Variants in ZYG11B observed in about 807,000 individuals in gnomAD.
ZYG11B encodes protein zyg-11 homolog B.
In ZYG11B, 36 loss-of-function variants were observed where a neutral mutation model predicts 82.4. The ratio of observed to expected loss-of-function variants is 0.44; its 90% CI spans 0.33 to 0.58. ZYG11B has a LOEUF of 0.58. Among genes scored for constraint, ZYG11B ranks in the 20% least tolerant of loss-of-function variants. ZYG11B has a pLI of 0.02. For missense variants in ZYG11B, 552 were observed against 895.6 expected, an observed-to-expected ratio of 0.62 and a Z score of 4.90; for synonymous variants, 303 against 312.8, an observed-to-expected ratio of 0.97 and a Z score of 0.33.
chr1:52,796,479 C>T (rs56078509), intron 7 of ZYG11B, 88 bp downstream of exon 7: 74,840 of 1,156,310 alleles, frequency 0.065, 2,949 homozygotes, highest in Middle Eastern at 0.091. Flanking sequence ...GTGCCAGAAA[C>T]ATTAGTAAAT....
At chr1:52,756,885 A>G (rs543647788) in intron 2 of ZYG11B, among the ~76,000 whole-genome samples, 1 of 144,888 alleles carries the variant, frequency 6.9e-6, no homozygotes, top group Non-Finnish European at 1.5e-5. Context: ...TGGTGCAAAC[A>G]CGGCTCACTG....
In ZYG11B at chr1:52,771,755, C is replaced by T. The variant is rs908631576; in HGVS notation, c.932C>T (p.Thr311Ile). ...ATDAGYSEFL[T>I]GEGHLKVSGE... ...GATGCTGGTTACTCTGAATTCCTCA[C>T]AGGCGAAGGACATTTGAAGGTTAGA... The change falls in exon 3 of 14, where the codon ACA (threonine) becomes ATA (isoleucine). Residue 311 changes from threonine (T) to isoleucine (I), a missense_variant. Around this residue, in one of 3 missense-constraint regions of ZYG11B, gnomAD observed 359 missense variants for 555.8 expected, o/e 0.65. Transcript: ENST00000294353. The surrounding 1 kb of genome is among the most constrained non-coding windows in gnomAD (Gnocchi z 5.4). 1 of 1,610,992 alleles carries T rather than the reference C, an allele frequency of 6.2e-7. No homozygotes were observed. The highest frequency in any genetic ancestry group is 8.5e-7 in the Non-Finnish European group (1 of 1,177,896).
chr1:52,773,451 G>C (rs1644772316), intron 3 of ZYG11B, among the ~76,000 whole-genome samples: 1 of 148,006 alleles, frequency 6.8e-6, no homozygotes, highest in African/African-American at 2.5e-5. Context: ...TCAAGCCTGG[G>C]TGACAGCGTG....
chr1:52,815,339 T>C (rs1645214399), intron 12 of ZYG11B, among the ~76,000 whole-genome samples: 1 of 151,910 alleles, frequency 6.6e-6, no homozygotes, highest in Non-Finnish European at 1.5e-5. Flanking sequence ...TCATCTCTAC[T>C]AAAAAATAAA....
intron 10 of ZYG11B, among the ~76,000 whole-genome samples, chr1:52,812,409 T>C (rs1400295916): frequency 6.6e-6 from 1 of 152,146 alleles, no homozygotes; most frequent in Non-Finnish European, 1.5e-5. Flanking sequence ...ATTTTTATTA[T>C]TATTTCTTTG....
At chr1:52,754,671 C>G (rs1242137422) in intron 1 of ZYG11B, among the ~76,000 whole-genome samples, 1 of 152,196 alleles carries the variant, frequency 6.6e-6, no homozygotes, top group Non-Finnish European at 1.5e-5. Context: ...CATTAGCCAC[C>G]GTGCCCTTTT....
intron 1 of ZYG11B, among the ~76,000 whole-genome samples, chr1:52,739,742 C>T (rs1644408998): frequency 6.6e-6 from 1 of 151,932 alleles, no homozygotes; most frequent in East Asian, 1.9e-4. Flanking sequence ...CTGCCTCAGC[C>T]TCCCAGGCGC....
At chr1:52,729,770 G>A (rs1177540741) in intron 1 of ZYG11B, among the ~76,000 whole-genome samples, 1 of 152,106 alleles carries the variant, frequency 6.6e-6, no homozygotes, top group Non-Finnish European at 1.5e-5. Flanking sequence ...AACCCAGGAG[G>A]TGGAGGTTGC....
chr1:52,743,278 T>C (rs10157602), intron 1 of ZYG11B, among the ~76,000 whole-genome samples: 94,483 of 150,742 alleles, frequency 0.63, 31,596 homozygotes, highest in East Asian at 0.97. Context: ...CCGCAGGGTC[T>C]TCTGCCTAGG....
In ZYG11B at chr1:52,777,350, C is replaced by T. The variant is rs78739232; in HGVS notation, c.952-2503C>T. 5.5e-3 allele frequency among the ~76,000 whole-genome samples: 835 copies of T among 152,296 alleles called. 2 individuals are homozygous for T. Among genetic ancestry groups the T allele is most frequent in the African/African-American group, 0.019 (787 of 41,562 alleles). On this transcript the variant is annotated intron_variant, in intron 3 of 13. Transcript: ENST00000294353. ...ATCAATACTGTAGTCTAATTCATTT[C>T]AGACTCTTGTAGCATATCCTATTAA...
intron 3 of ZYG11B, among the ~76,000 whole-genome samples, chr1:52,777,297 A>C (rs1018942218): frequency 4.6e-5 from 7 of 152,188 alleles, no homozygotes; most frequent in African/African-American, 1.7e-4. Flanking sequence ...GAAATTCTTC[A>C]TATGTACCCT....
At chr1:52,733,330 G>A (rs1178436975) in intron 1 of ZYG11B, among the ~76,000 whole-genome samples, 1 of 152,068 alleles carries the variant, frequency 6.6e-6, no homozygotes, top group Non-Finnish European at 1.5e-5. Flanking sequence ...TGTTCTAGAG[G>A]TCATGCTTAA....
intron 1 of ZYG11B, among the ~76,000 whole-genome samples, chr1:52,741,513 T>A (rs1433042495): frequency 1.3e-5 from 2 of 152,154 alleles, no homozygotes; most frequent in Non-Finnish European, 2.9e-5. Context: ...TCTCTCTGGA[T>A]ACGTAGTCTT....
At position 52,796,992 on chromosome 1, in the gene ZYG11B, T is replaced by A. The variant is rs1300420172; in HGVS notation, c.1485+208T>A. 2.0e-4 allele frequency among the ~76,000 whole-genome samples: 12 copies of A among 60,388 alleles called. No individual in the cohort carries two copies. In the South Asian group the frequency reaches 4.7e-3, roughly 24 times the overall value. The allele number at this position is 60,388 out of a possible 152,430, so 39.6% of individuals were successfully genotyped here. ...AATATATATAAATATATATATTTTT[T>A]ATATAAATATATTATATATTTATAT... is the stretch of plus-strand genomic sequence containing the variant. On this transcript the variant is annotated intron_variant, in intron 8 of 13. Transcript: ENST00000294353.
Position 52,787,910 on chromosome 1 carries a change from T to C in ZYG11B, c.1270-2093T>C, listed in dbSNP as rs138724380. ...AAGTGCTACAGAAAGTTGAGAATGA[T>C]TAATTCTGCTGGCTGGATTGGTGTA... On this transcript the variant is annotated intron_variant, in intron 5 of 13. Coordinates refer to ENST00000294353, the MANE Select transcript of ZYG11B (RefSeq NM_024646.3). Among the ~76,000 whole-genome samples, 14 of 152,306 alleles carry C rather than the reference T, an allele frequency of 9.2e-5. No homozygotes were observed. The East Asian group carries it at 2.7e-3, about 29-fold the overall frequency.
intron 1 of ZYG11B, 103 bp downstream of exon 1, chr1:52,726,786 C>A: frequency 8.5e-7 from 1 of 1,179,602 alleles, no homozygotes; most frequent in Non-Finnish European, 1.1e-6. Context: ...CTGGTGTCCC[C>A]TCGGGCTCCC....
chr1:52,824,279 T>A lies in ZYG11B; in HGVS notation c.*2650T>A, dbSNP rs1310178076. 1 of 151,624 alleles carries A rather than the reference T, an allele frequency of 6.6e-6. No individual in the cohort carries two copies. Among genetic ancestry groups the A allele is most frequent in the Non-Finnish European group, 1.5e-5 (1 of 67,974 alleles). 9.4% of individuals were successfully genotyped at this position (151,624 alleles called of 1,614,324 possible). A position where few individuals can be genotyped will look rare whatever the true frequency, so the allele number is the denominator to read the frequency against. On this transcript the variant is annotated 3_prime_UTR_variant, in exon 14 of 14. Coordinates refer to ENST00000294353, the MANE Select transcript of ZYG11B (RefSeq NM_024646.3). Reference sequence around the variant, plus strand: ...GATCTTACCCCCTCAGCCTCTGGAGTAGCTGGAACTACAGGCTAAATTTCC... The same window carrying A: ...GATCTTACCCCCTCAGCCTCTGGAGAAGCTGGAACTACAGGCTAAATTTCC...
At chr1:52,757,590 G>A (rs1365374813) in intron 2 of ZYG11B, among the ~76,000 whole-genome samples, 1 of 151,978 alleles carries the variant, frequency 6.6e-6, no homozygotes, top group African/African-American at 2.4e-5. Flanking sequence ...CAGGAGAATC[G>A]CTTGAACCCA....
chr1:52,817,864 G>A (rs1336909352), intron 13 of ZYG11B, among the ~76,000 whole-genome samples: 11 of 81,494 alleles, frequency 1.3e-4, no homozygotes, highest in Non-Finnish European at 7.0e-5. Flanking sequence ...TTGAGATGGA[G>A]TCTCACTTTG....
Sources: gnomAD v4.1 joint callset for allele counts (sites outside exome capture counted in the v4.1 genomes callset) on GRCh38, gnomAD v4.1.1 for gene constraint, gnomAD v4.1.1 regional missense constraint, Gnocchi (gnomAD v3.1) non-coding constraint, MANE v1.5 for transcripts, NCBI Gene and HGNC (gene_info 2026-07-23, HGNC 2026-07-21) for gene names.